NKAIN2: variants seen among roughly 807,000 people sequenced by gnomAD.
The protein encoded by NKAIN2 is sodium/potassium-transporting ATPase subunit beta-1-interacting protein 2.
NKAIN2 carries 14 observed loss-of-function variants against 32.6 expected under a neutral mutation model. The ratio of observed to expected loss-of-function variants is 0.43; its 90% CI spans 0.28 to 0.67. The LOEUF (loss-of-function observed/expected upper bound fraction) is 0.67, where lower values mean the gene tolerates loss of function less well. NKAIN2 is among the 30% of genes least tolerant of loss of function. The pLI is 0.17. For missense variants in NKAIN2, 198 were observed against 258.3 expected, an observed-to-expected ratio of 0.77 and a Z score of 1.60; for synonymous variants, 80 against 87.2, an observed-to-expected ratio of 0.92 and a Z score of 0.46.
chr6:124,019,720 T>C (rs1247142212), intron 1 of NKAIN2, among the ~76,000 whole-genome samples: 3 of 152,174 alleles, frequency 2.0e-5, no homozygotes. Flanking sequence ...TGCATCTCAA[T>C]TATGGAAACT....
At chr6:124,006,540 G>A (rs755308943) in intron 1 of NKAIN2, among the ~76,000 whole-genome samples, 2 of 152,152 alleles carry the variant, frequency 1.3e-5, no homozygotes, top group Non-Finnish European at 2.9e-5. Flanking sequence ...TTATCCTGAG[G>A]CAAAATGACT....
chr6:124,412,463 T>TCAG (rs1181357716), intron 3 of NKAIN2, among the ~76,000 whole-genome samples: 1 of 152,182 alleles, frequency 6.6e-6, no homozygotes, highest in African/African-American at 2.4e-5. Flanking sequence ...TGCCTGGGTA[T>TCAG]CAGCAGTGGT....
intron 1 of NKAIN2, among the ~76,000 whole-genome samples, chr6:124,188,530 G>C (rs1789860325): frequency 6.6e-6 from 1 of 152,180 alleles, no homozygotes; most frequent in Admixed American, 6.5e-5. Context: ...GTGTTTGATT[G>C]AATAACTGGC....
intron 3 of NKAIN2, among the ~76,000 whole-genome samples, chr6:124,501,463 A>G (rs556302878): frequency 3.7e-4 from 57 of 152,316 alleles, no homozygotes; most frequent in Middle Eastern, 3.4e-3. Context: ...AACAAAACAA[A>G]AACATTTCGC....
intron 3 of NKAIN2, among the ~76,000 whole-genome samples, chr6:124,543,105 G>A (rs969130357): frequency 2.6e-5 from 4 of 152,062 alleles, no homozygotes; most frequent in Non-Finnish European, 4.4e-5. Flanking sequence ...AAGTCGAAGG[G>A]AATATTCCTT....
At chr6:124,522,775 T>C (rs1476519695) in intron 3 of NKAIN2, among the ~76,000 whole-genome samples, 1 of 152,212 alleles carries the variant, frequency 6.6e-6, no homozygotes, top group East Asian at 1.9e-4. Flanking sequence ...AAAATCTATA[T>C]TGATAAAACC....
chr6:124,619,030 T>C (rs1259620343), intron 3 of NKAIN2, among the ~76,000 whole-genome samples: 2 of 151,234 alleles, frequency 1.3e-5, no homozygotes, highest in African/African-American at 2.4e-5. Flanking sequence ...TTCCACAAAA[T>C]TGAAAAAAAA....
chr6:124,269,621 C>T (rs148518064), intron 1 of NKAIN2, among the ~76,000 whole-genome samples: 335 of 152,082 alleles, frequency 2.2e-3, no homozygotes, highest in African/African-American at 7.7e-3. Flanking sequence ...GTGCCTGCCA[C>T]CACATTTGGC....
chr6:124,207,249 A>G, intron 1 of NKAIN2, among the ~76,000 whole-genome samples: 1 of 151,446 alleles, frequency 6.6e-6, no homozygotes, highest in African/African-American at 2.4e-5. Context: ...ACATGTTCAT[A>G]CCACTGTACT....
intron 3 of NKAIN2, among the ~76,000 whole-genome samples, chr6:124,360,843 A>C (rs556527495): frequency 6.6e-6 from 1 of 152,308 alleles, no homozygotes; most frequent in African/African-American, 2.4e-5. Context: ...TGTCCTGTTA[A>C]GGAAACTGAG....
At chr6:124,791,060 T>C (rs1203577913) in intron 4 of NKAIN2, among the ~76,000 whole-genome samples, 2 of 152,192 alleles carry the variant, frequency 1.3e-5, no homozygotes, top group Non-Finnish European at 2.9e-5. Flanking sequence ...TAAGTCTTTT[T>C]CTGTATTGAA....
chr6:123,876,247 G>A (rs1773165981), intron 1 of NKAIN2, among the ~76,000 whole-genome samples: 1 of 151,956 alleles, frequency 6.6e-6, no homozygotes, highest in African/African-American at 2.4e-5. Context: ...TTATTTTTAT[G>A]TTTCTCTATA....
At chr6:124,375,637 A>G (rs1298989533) in intron 3 of NKAIN2, among the ~76,000 whole-genome samples, 1 of 151,974 alleles carries the variant, frequency 6.6e-6, no homozygotes, top group South Asian at 2.1e-4. Context: ...AAAACAAAAC[A>G]AAAACTGAGG....
intron 3 of NKAIN2, among the ~76,000 whole-genome samples, chr6:124,540,342 C>T (rs1779866221): frequency 6.6e-6 from 1 of 152,238 alleles, no homozygotes. Context: ...CATGGGTCTA[C>T]ATCAGCTGAT....
chr6:123,969,748 T>G (rs909387248), intron 1 of NKAIN2, among the ~76,000 whole-genome samples: 16 of 152,238 alleles, frequency 1.1e-4, no homozygotes, highest in African/African-American at 3.6e-4. Context: ...TAGCTTCCCC[T>G]AGGACAGAGT....
chr6:124,131,227 C>T (rs1029947335), intron 1 of NKAIN2, among the ~76,000 whole-genome samples: 1 of 152,130 alleles, frequency 6.6e-6, no homozygotes, highest in South Asian at 2.1e-4. Flanking sequence ...TCACTGCAAC[C>T]TCTGCCTCTG....
At chr6:123,806,098 T>G (rs342608) in intron 1 of NKAIN2, among the ~76,000 whole-genome samples, 117,737 of 152,058 alleles carry the variant, frequency 0.77, 46,320 homozygotes, top group Non-Finnish European at 0.84. Flanking sequence ...TATGTGTGTA[T>G]GTACATATGC....
intron 4 of NKAIN2, among the ~76,000 whole-genome samples, chr6:124,759,866 G>C (rs755475222): frequency 6.6e-6 from 1 of 151,870 alleles, no homozygotes; most frequent in Non-Finnish European, 1.5e-5. Flanking sequence ...AAGCAGAGAA[G>C]TGGCAGAGTA....
chr6:124,687,739 T>TACACAC lies in NKAIN2; in HGVS notation c.474+29354_474+29355insCACACA, dbSNP rs1194925030. 1.9e-4 allele frequency among the ~76,000 whole-genome samples: 6 copies of TACACAC among 31,358 alleles called. No individual in the cohort carries two copies. The South Asian group carries it at 5.5e-3, about 29-fold the overall frequency. The allele number at this position is 31,358 out of a possible 152,430, so 20.6% of individuals were successfully genotyped here. A position where few individuals can be genotyped will look rare whatever the true frequency, so the allele number is the denominator to read the frequency against. On this transcript the variant is annotated intron_variant, in intron 4 of 6. Coordinates refer to ENST00000368417, the MANE Select transcript of NKAIN2 (RefSeq NM_001040214.3). ...ATATATATAATATAAATATATATGA[T>TACACAC]ATATACACACACACACACACACACA...
Sources: gnomAD v4.1 joint callset for allele counts (sites outside exome capture counted in the v4.1 genomes callset) on GRCh38, gnomAD v4.1.1 for gene constraint, MANE v1.5 for transcripts, NCBI Gene and HGNC (gene_info 2026-07-23, HGNC 2026-07-21) for gene names.